SUSD3: variants seen among roughly 807,000 people sequenced by gnomAD.
The protein encoded by SUSD3 is sushi domain containing 3.
In SUSD3, 18 loss-of-function variants were observed where a neutral mutation model predicts 20.6. The ratio of observed to expected loss-of-function variants is 0.87; its 90% CI spans 0.60 to 1.30. The LOEUF (loss-of-function observed/expected upper bound fraction) is 1.30. Among genes scored for constraint, SUSD3 ranks in the 50% most tolerant of loss-of-function variants. The pLI is 0.00. For synonymous variants in SUSD3, 137 were observed against 141.5 expected (o/e 0.97, Z 0.23); for missense variants, 306 against 346.9 (o/e 0.88, Z 0.94).
intron 2 of SUSD3, among the ~76,000 whole-genome samples, chr9:93,076,900 G>A (rs1587915812): frequency 6.6e-6 from 1 of 152,350 alleles, no homozygotes; most frequent in East Asian, 1.9e-4. Flanking sequence ...GTTATGGGGT[G>A]AGGGGCCCTG....
At chr9:93,065,315 T>A (rs1825663586) in intron 1 of SUSD3, among the ~76,000 whole-genome samples, 1 of 152,204 alleles carries the variant, frequency 6.6e-6, no homozygotes. Context: ...GGCATCTCAT[T>A]ATTCTAATGA....
At position 93,075,740 on chromosome 9, in the gene SUSD3, A is replaced by ACC. The variant is rs748856301; in HGVS notation, c.89-32_89-31dup. 241 of 147,280 alleles carry ACC rather than the reference A, an allele frequency of 1.6e-3. 18 individuals carry two copies. The highest frequency in any genetic ancestry group is 0.013 in the African/African-American group (96 of 7,466). The allele number at this position is 147,280 out of a possible 1,614,324, so 9.1% of individuals were successfully genotyped here. A position where few individuals can be genotyped will look rare whatever the true frequency, so the allele number is the denominator to read the frequency against. On this transcript the variant is annotated intron_variant, in intron 1 of 4. Coordinates refer to ENST00000375472, the MANE Select transcript of SUSD3 (RefSeq NM_145006.4). ...CTGCCCAGCCCTGCCCTGCGTGCCCACCCCCCCCCCCCCGCCATGCCTCAT... is the reference window on the plus strand; with the variant it reads ...CTGCCCAGCCCTGCCCTGCGTGCCCACCCCCCCCCCCCCCCGCCATGCCTCAT...
intron 1 of SUSD3, among the ~76,000 whole-genome samples, chr9:93,072,351 G>C (rs931721723): frequency 6.6e-5 from 10 of 152,194 alleles, no homozygotes; most frequent in African/African-American, 1.2e-4. Context: ...GCAGAGGCCA[G>C]GGGCAGGGGG....
At chr9:93,063,021 T>A (rs1211686696) in intron 1 of SUSD3, among the ~76,000 whole-genome samples, 2 of 152,210 alleles carry the variant, frequency 1.3e-5, no homozygotes. Context: ...GGCACTGCCA[T>A]CATGCAGCCA....
rs1027715311 is a variant in SUSD3 at position 93,068,895 on chromosome 9, G to A, written c.89-6889G>A. Among the ~76,000 whole-genome samples the A allele has an allele frequency of 5.3e-5, 8 of 152,104 alleles. 1 individual carries two copies. The East Asian group carries it at 1.5e-3, about 29-fold the overall frequency. On this transcript the variant is annotated intron_variant, in intron 1 of 4. Coordinates refer to ENST00000375472, the MANE Select transcript of SUSD3 (RefSeq NM_145006.4). The stretch of plus-strand genomic sequence containing the variant: ...TATGTTGTTTTTTCCCTAAACACAT[G>A]TACCTATGATAAGTTTAATTTATAA...
At chr9:93,062,809 C>G (rs184579093) in intron 1 of SUSD3, among the ~76,000 whole-genome samples, 9 of 152,260 alleles carry the variant, frequency 5.9e-5, no homozygotes, top group African/African-American at 2.2e-4. Flanking sequence ...CATCCTCATG[C>G]CTTGGTGATT....
At chr9:93,083,929 G>C (rs1461708016) in intron 4 of SUSD3, among the ~76,000 whole-genome samples, 1 of 152,044 alleles carries the variant, frequency 6.6e-6, no homozygotes, top group African/African-American at 2.4e-5. Context: ...CAAAGGGCTG[G>C]AGGTGGGAGC....
chr9:93,063,567 C>T (rs912563690), intron 1 of SUSD3, among the ~76,000 whole-genome samples: 1 of 152,178 alleles, frequency 6.6e-6, no homozygotes, highest in Admixed American at 6.5e-5. Flanking sequence ...TTCTGTGGCC[C>T]CTGCAGCAAG....
At chr9:93,064,367 C>T (rs888392610) in intron 1 of SUSD3, among the ~76,000 whole-genome samples, 2 of 152,200 alleles carry the variant, frequency 1.3e-5, no homozygotes, top group South Asian at 2.1e-4. Context: ...TTATCCCCCA[C>T]GTCTGTGAGG....
chr9:93,077,780 C>A, intron 2 of SUSD3, 66 bp from the exon 3 acceptor site: 1 of 1,596,190 alleles, frequency 6.3e-7, no homozygotes. Flanking sequence ...CCTGAGACCC[C>A]CAACCCCTGG....
At chr9:93,075,411 CTTTTTTTTT>C (rs58393196) in intron 1 of SUSD3, among the ~76,000 whole-genome samples, 296 of 101,278 alleles carry the variant, frequency 2.9e-3, no homozygotes, top group East Asian at 3.7e-3. Flanking sequence ...CTCTGTCCCT[CTTTTTTTTT>C]TTTTTTTTTT....
At chr9:93,072,661 C>G (rs919608218) in intron 1 of SUSD3, among the ~76,000 whole-genome samples, 2 of 152,186 alleles carry the variant, frequency 1.3e-5, no homozygotes, top group Admixed American at 1.3e-4. Context: ...AGATAAAGAC[C>G]TTGCCTGGGC....
chr9:93,059,698 A>G (rs1239688026), intron 1 of SUSD3, among the ~76,000 whole-genome samples: 1 of 152,024 alleles, frequency 6.6e-6, no homozygotes, highest in Non-Finnish European at 1.5e-5. Context: ...TGAGGCCCGG[A>G]GTGGGGTGGG....
At chr9:93,075,751 C>CCCCCCCCCCCCCCCCCCCCCCCCCT in intron 1 of SUSD3, 33 bp from the exon 2 acceptor site, 4 of 248,754 alleles carry the variant, frequency 1.6e-5, no homozygotes, top group South Asian at 4.3e-5. Flanking sequence ...CCCCCCCCCC[C>CCCCCCCCCCCCCCCCCCCCCCCCCT]CCGCCATGCC....
intron 2 of SUSD3, among the ~76,000 whole-genome samples, chr9:93,077,254 T>C (rs1826202025): frequency 6.6e-6 from 1 of 152,114 alleles, no homozygotes; most frequent in African/African-American, 2.4e-5. Flanking sequence ...TGAGAAGGCA[T>C]GTAGGCCCCC....
In SUSD3 at chr9:93,058,712, A is replaced by T; in HGVS notation, c.-31A>T. The T allele has an allele frequency of 5.8e-6, 7 of 1,214,990 alleles. No homozygotes were observed. Among genetic ancestry groups the T allele is most frequent in the Non-Finnish European group, 6.2e-6 (6 of 972,368 alleles). The allele number at this position is 1,214,990 out of a possible 1,614,324, so 75.3% of individuals were successfully genotyped here. On this transcript the variant is annotated 5_prime_UTR_variant, in exon 1 of 5. Transcript: ENST00000375472. ...CACAAGCCGGGCTCACTCCCCTGGC[A>T]GACCCCGCCAAGCGCCTCGGAGCGC...
chr9:93,062,781 A>G (rs974331586), intron 1 of SUSD3, among the ~76,000 whole-genome samples: 9 of 152,102 alleles, frequency 5.9e-5, no homozygotes, highest in African/African-American at 2.2e-4. Flanking sequence ...GTTAGAGACA[A>G]GGGTGATCCA....
chr9:93,060,709 G>A lies in SUSD3; in HGVS notation c.88+1879G>A, dbSNP rs571054899. ...AAATTAGCTGAGCATGGTGGCATGCGCCTGTAGTCCCAGCTATTCGGGAGG... is the reference window on the plus strand; with the variant it reads ...AAATTAGCTGAGCATGGTGGCATGCACCTGTAGTCCCAGCTATTCGGGAGG... On this transcript the variant is annotated intron_variant, in intron 1 of 4. Transcript: ENST00000375472. Among the ~76,000 whole-genome samples, 5 of 152,190 alleles carry A rather than the reference G, an allele frequency of 3.3e-5. No homozygotes were observed. In the East Asian group the frequency reaches 5.8e-4, roughly 18 times the overall value.
At chr9:93,066,773 A>G (rs1376736584) in intron 1 of SUSD3, among the ~76,000 whole-genome samples, 1 of 151,926 alleles carries the variant, frequency 6.6e-6, no homozygotes, top group Non-Finnish European at 1.5e-5. Context: ...CAGTGGCACA[A>G]TCTTGGCTCA....
Sources: allele counts gnomAD v4.1 joint callset (sites outside exome capture counted in the v4.1 genomes callset), GRCh38; gene constraint gnomAD v4.1.1; transcripts MANE v1.5; gene names NCBI Gene and HGNC (gene_info 2026-07-23, HGNC 2026-07-21).